Variants in GMPS observed in about 807,000 individuals in gnomAD.
The protein encoded by GMPS is guanosine monophosphate synthase.
Under a neutral mutation model 77.9 loss-of-function variants are expected in GMPS, and 15 were observed. That is an observed-to-expected ratio of 0.19 (90% CI 0.13 to 0.30). The LOEUF (loss-of-function observed/expected upper bound fraction) is 0.30. GMPS is among the 10% of genes least tolerant of loss of function. The pLI, the probability that GMPS is intolerant of heterozygous loss-of-function variation, is 1.00. For missense variants in GMPS, 590 were observed against 838.8 expected (o/e 0.70, Z 3.66); for synonymous variants, 224 against 275.9 (o/e 0.81, Z 1.86).
chr3:155,927,816 T>C (rs998562620), intron 12 of GMPS, among the ~76,000 whole-genome samples: 14 of 152,180 alleles, frequency 9.2e-5, no homozygotes, highest in Admixed American at 9.2e-4. Context: ...TTCTTTTAAC[T>C]GAACATCATG....
chr3:155,893,826 C>T, intron 2 of GMPS, 127 bp downstream of exon 2: 1 of 560,602 alleles, frequency 1.8e-6, no homozygotes, highest in South Asian at 3.4e-5. Context: ...TGAGAAATTT[C>T]CCATGGCTCT....
chr3:155,936,846 A>G (rs1755777477), intron 15 of GMPS, among the ~76,000 whole-genome samples: 1 of 152,322 alleles, frequency 6.6e-6, no homozygotes, highest in South Asian at 2.1e-4. Context: ...TAAGGATGCA[A>G]TTTGATAGCT....
rs1755125936 is a variant in GMPS, at chr3:155,914,567, T to C, written c.1035T>C (p.Val345=). ...GAAAAATCATTGGGGATACTTTTGTTAAGGTACCTTTGTTTTTAATATCCT... is the reference window on the plus strand; with the variant it reads ...GAAAAATCATTGGGGATACTTTTGTCAAGGTACCTTTGTTTTTAATATCCT... ...EKRKIIGDTF[V]KIANEVIGEM... Residue 345 remains valine (V), a synonymous_variant, in exon 8 of 16, where the codon GTT becomes GTC. Coordinates refer to ENST00000496455, the MANE Select transcript of GMPS (RefSeq NM_003875.3). The C allele has an allele frequency of 1.9e-6, 3 of 1,567,652 alleles. No individual in the cohort carries two copies. The highest frequency in any genetic ancestry group is 2.6e-6 in the Non-Finnish European group (3 of 1,159,858).
intron 1 of GMPS, among the ~76,000 whole-genome samples, chr3:155,886,959 A>C (rs191545285): frequency 6.6e-6 from 1 of 152,216 alleles, no homozygotes; most frequent in Non-Finnish European, 1.5e-5. Context: ...ATGAATTAAC[A>C]TAATATTAAC....
Position 155,910,864 on chromosome 3 carries a change from A to T in GMPS, c.699A>T (p.Arg233Ser), listed in dbSNP as rs1755019713. ...AGTGTATTCGAGAGATCAAAGAGAG[A>T]GTAGGCACGTCAAAAGTTTTGGTAA... ...ELECIREIKERVGTSKVLVLL... is the reference protein window; with the variant it reads ...ELECIREIKESVGTSKVLVLL... The change falls in exon 6 of 16, where the codon AGA (arginine) becomes AGT (serine). Residue 233 changes from arginine to serine, a missense_variant. Physicochemically the swap from Arg to Ser is moderately radical, Grantham distance 110. Transcript: ENST00000496455. The T allele has an allele frequency of 6.3e-7, 1 of 1,583,494 alleles. No homozygotes were observed. Among genetic ancestry groups the T allele is most frequent in the South Asian group, 1.2e-5 (1 of 85,558 alleles).
intron 5 of GMPS, among the ~76,000 whole-genome samples, chr3:155,908,062 T>C (rs1754936377): frequency 6.6e-6 from 1 of 152,132 alleles, no homozygotes; most frequent in Non-Finnish European, 1.5e-5. Context: ...AGAGATGTGA[T>C]CTAATTTAAG....
At chr3:155,920,106 G>A (rs893080542) in intron 10 of GMPS, among the ~76,000 whole-genome samples, 1 of 152,138 alleles carries the variant, frequency 6.6e-6, no homozygotes, top group Non-Finnish European at 1.5e-5. Context: ...CTTCACAGTG[G>A]AAACTACTAT....
chr3:155,875,775 G>T (rs911031738), intron 1 of GMPS, among the ~76,000 whole-genome samples: 3 of 152,056 alleles, frequency 2.0e-5, no homozygotes, highest in African/African-American at 4.8e-5. Flanking sequence ...AAGGACGGTG[G>T]TTAAAAAAAT....
intron 1 of GMPS, among the ~76,000 whole-genome samples, chr3:155,873,985 C>G (rs776599063): frequency 6.6e-6 from 1 of 152,088 alleles, no homozygotes; most frequent in Non-Finnish European, 1.5e-5. Flanking sequence ...CACCCATCAC[C>G]CGAACGGTAT....
At chr3:155,910,323 C>T (rs1384970016) in intron 5 of GMPS, among the ~76,000 whole-genome samples, 2 of 151,944 alleles carry the variant, frequency 1.3e-5, no homozygotes, top group Admixed American at 6.6e-5. Flanking sequence ...AATCCTAGCA[C>T]TTTGGGAGGC....
At chr3:155,896,044 C>T (rs2108077860) in intron 2 of GMPS, among the ~76,000 whole-genome samples, 1 of 150,814 alleles carries the variant, frequency 6.6e-6, no homozygotes, top group African/African-American at 2.4e-5. Flanking sequence ...GAGTCTCGCT[C>T]TGTCACCCAG....
chr3:155,883,582 A>G (rs1259505095), intron 1 of GMPS, among the ~76,000 whole-genome samples: 2 of 152,196 alleles, frequency 1.3e-5, no homozygotes, highest in African/African-American at 4.8e-5. Context: ...AGACAAACTG[A>G]AGAGAACGAG....
intron 1 of GMPS, among the ~76,000 whole-genome samples, chr3:155,873,638 C>CTTTTTTTTTTTTT (rs58365650): frequency 0.012 from 991 of 82,424 alleles, 238 homozygotes; most frequent in African/African-American, 0.028. Context: ...TGAGTAAGTT[C>CTTTTTTTTTTTTT]TTTTTTTTTT....
chr3:155,933,782 A>G (rs1278146112), intron 13 of GMPS, among the ~76,000 whole-genome samples: 2 of 152,182 alleles, frequency 1.3e-5, no homozygotes, highest in African/African-American at 4.8e-5. Context: ...TCATATCTCT[A>G]CCCTGATTCC....
At chr3:155,872,068 A>G (rs1162492889) in intron 1 of GMPS, among the ~76,000 whole-genome samples, 1 of 152,152 alleles carries the variant, frequency 6.6e-6, no homozygotes, top group Non-Finnish European at 1.5e-5. Context: ...ATTAAATTTC[A>G]TTCGGGGGGT....
chr3:155,891,551 G>A (rs1474706890), intron 1 of GMPS, among the ~76,000 whole-genome samples: 1 of 151,490 alleles, frequency 6.6e-6, no homozygotes, highest in Non-Finnish European at 1.5e-5. Flanking sequence ...TTCTGGCACC[G>A]GATTGGCTCC....
At chr3:155,921,058 G>A (rs9820534) in intron 10 of GMPS, among the ~76,000 whole-genome samples, 29,559 of 152,044 alleles carry the variant, frequency 0.19, 3,034 homozygotes, top group South Asian at 0.26. Context: ...CCTGGCCAAC[G>A]CGGTGAAACC....
Position 155,922,179 on chromosome 3 carries a change from A to C in GMPS, c.1319-8A>C. The C allele has an allele frequency of 8.3e-7, 1 of 1,209,306 alleles. No individual in the cohort carries two copies. The highest frequency in any genetic ancestry group is 1.2e-6 in the Non-Finnish European group (1 of 859,506). 74.9% of individuals were successfully genotyped at this position (1,209,306 alleles called of 1,614,324 possible). A position where few individuals can be genotyped will look rare whatever the true frequency, so the allele number is the denominator to read the frequency against. Reference sequence around the variant, plus strand: ...AATGTTAAATACTATTATTACTCCTACCTTTAGGTCCTGGCCTGGCAATCA... The same window carrying C: ...AATGTTAAATACTATTATTACTCCTCCCTTTAGGTCCTGGCCTGGCAATCA... On this transcript the variant is annotated splice_region_variant and splice_polypyrimidine_tract_variant and intron_variant, in intron 10 of 15. Transcript: ENST00000496455.
chr3:155,912,079 G>C (rs187313083), intron 7 of GMPS, among the ~76,000 whole-genome samples: 2 of 152,120 alleles, frequency 1.3e-5, no homozygotes, highest in Admixed American at 1.3e-4. Flanking sequence ...AGGTGCAATT[G>C]ATAGTTATAA....
Sources: gnomAD v4.1 joint callset for allele counts (sites outside exome capture counted in the v4.1 genomes callset) on GRCh38, gnomAD v4.1.1 for gene constraint, MANE v1.5 for transcripts, NCBI Gene and HGNC (gene_info 2026-07-23, HGNC 2026-07-21) for gene names.